RNF169: variants seen among roughly 807,000 people sequenced by gnomAD.
The protein encoded by RNF169 is ring finger protein 169.
A neutral mutation model predicts 53.9 loss-of-function variants in RNF169; 24 were observed. The observed-to-expected ratio is 0.45, with a 90% CI of 0.32 to 0.63. The LOEUF is 0.63. Ranked by LOEUF, RNF169 falls within the 20% of genes least tolerant of loss-of-function variation. The probability of loss-of-function intolerance (pLI) is 0.04; values close to 1 mark genes in which losing one functional copy is unlikely to be tolerated. For missense variants in RNF169, 883 were observed against 906.2 expected (o/e 0.97, Z 0.33); for synonymous variants, 396 against 363.5 (o/e 1.09, Z -1.02).
At chr11:74,800,905 C>T (rs1454223986) in intron 2 of RNF169, among the ~76,000 whole-genome samples, 2 of 152,076 alleles carry the variant, frequency 1.3e-5, no homozygotes, top group Non-Finnish European at 2.9e-5. Flanking sequence ...ATATATCTGC[C>T]GGTTCAATTT....
intron 4 of RNF169, among the ~76,000 whole-genome samples, chr11:74,822,508 T>C (rs562542871): frequency 6.6e-6 from 1 of 152,332 alleles, no homozygotes; most frequent in Admixed American, 6.5e-5. Context: ...TGTGTTCAGA[T>C]AGACAGAGCT....
At chr11:74,814,424 C>G (rs1341717283) in intron 3 of RNF169, among the ~76,000 whole-genome samples, 2 of 148,284 alleles carry the variant, frequency 1.3e-5, no homozygotes, top group African/African-American at 5.0e-5. Context: ...CTGTGTCACC[C>G]AGGCTGGAGT....
chr11:74,836,468 G>GGA lies in RNF169; in HGVS notation c.1866_1867dup (p.Lys623ArgfsTer10). The GGA allele has an allele frequency of 6.2e-7, 1 of 1,614,174 alleles. No individual in the cohort carries two copies. The highest frequency in any genetic ancestry group is 8.5e-7 in the Non-Finnish European group (1 of 1,180,026). On this transcript the variant is annotated frameshift_variant, in exon 6 of 6. Transcript: ENST00000299563. LOFTEE classifies it high-confidence loss of function. ...CCACTTCCTTCTTTGCGTCGAGGCC[G>GGA]GAAAAGACACTGCAAGACCAAGCAC...
At chr11:74,833,660 G>T (rs1201791781) in intron 4 of RNF169, among the ~76,000 whole-genome samples, 3 of 152,098 alleles carry the variant, frequency 2.0e-5, no homozygotes, top group Non-Finnish European at 2.9e-5. Context: ...TCAGTGCCTG[G>T]ATAATGGCCA....
intron 3 of RNF169, 99 bp from the exon 4 acceptor site, chr11:74,817,497 C>T: frequency 2.7e-6 from 2 of 735,998 alleles, no homozygotes; most frequent in Non-Finnish European, 2.4e-6. Context: ...TTGGAGCTCA[C>T]AGAGAAGCGA....
At chr11:74,820,761 T>G (rs1464384217) in intron 4 of RNF169, among the ~76,000 whole-genome samples, 1 of 152,090 alleles carries the variant, frequency 6.6e-6, no homozygotes, top group Non-Finnish European at 1.5e-5. Context: ...TTAAGGAGAA[T>G]GGTGGTAGAA....
rs1044309973 is a variant in RNF169 at position 74,749,281 on chromosome 11, G to A, written c.401G>A (p.Arg134His). The A allele has an allele frequency of 1.7e-6, 2 of 1,154,180 alleles. No homozygotes were observed. The highest frequency in any genetic ancestry group is 4.3e-5 in the East Asian group (1 of 23,188). 71.5% of individuals were successfully genotyped at this position (1,154,180 alleles called of 1,614,324 possible). Residue 134 changes from arginine (R) to histidine (H), a missense_variant, in exon 1 of 6, where the codon CGC becomes CAC. Arg to His is a conservative substitution (Grantham distance 29). Around this residue, in one of 3 missense-constraint regions of RNF169, gnomAD observed 313 missense variants for 279.9 expected, o/e 1.12. Transcript: ENST00000299563. ...ADSEVLGECA[R>H]RSQPERCRPR... Reference sequence around the variant, plus strand: ...TCAGAGGTGCTGGGCGAGTGCGCCCGCCGCAGCCAACCCGAGCGCTGCCGC... The same window carrying A: ...TCAGAGGTGCTGGGCGAGTGCGCCCACCGCAGCCAACCCGAGCGCTGCCGC...
intron 2 of RNF169, among the ~76,000 whole-genome samples, chr11:74,801,049 G>A (rs778605144): frequency 7.9e-5 from 12 of 152,098 alleles, no homozygotes; most frequent in Non-Finnish European, 1.0e-4. Flanking sequence ...TATTATTTTT[G>A]CATAAATATT....
At chr11:74,810,156 A>G (rs774334359) in intron 2 of RNF169, 28 bp from the exon 3 acceptor site, 2 of 1,587,866 alleles carry the variant, frequency 1.3e-6, no homozygotes, top group South Asian at 2.3e-5. Context: ...GCCTAAAACT[A>G]CTGTGTTTGC....
intron 1 of RNF169, among the ~76,000 whole-genome samples, chr11:74,765,222 A>C (rs959229199): frequency 3.3e-5 from 5 of 152,220 alleles, no homozygotes; most frequent in African/African-American, 1.2e-4. Flanking sequence ...GAATGGGGTT[A>C]ATCCTGAAAA....
chr11:74,781,508 A>C (rs894152588), intron 1 of RNF169, among the ~76,000 whole-genome samples: 1 of 152,364 alleles, frequency 6.6e-6, no homozygotes, highest in East Asian at 1.9e-4. Context: ...GGTTGTTCCC[A>C]GTCTTTAGTA....
chr11:74,796,530 A>G (rs2035651796), intron 2 of RNF169, among the ~76,000 whole-genome samples: 1 of 152,234 alleles, frequency 6.6e-6, no homozygotes, highest in South Asian at 2.1e-4. Context: ...TATATACACC[A>G]TTATTTCTTC....
intron 1 of RNF169, among the ~76,000 whole-genome samples, chr11:74,779,016 A>G (rs1306272948): frequency 6.6e-6 from 1 of 152,232 alleles, no homozygotes; most frequent in Non-Finnish European, 1.5e-5. Context: ...AATTTTAGTG[A>G]CTGAATAATA....
At position 74,752,184 on chromosome 11, in the gene RNF169, A is replaced by T. The variant is rs191676330; in HGVS notation, c.502+2802A>T. Among the ~76,000 whole-genome samples the T allele has an allele frequency of 1.8e-3, 246 of 135,560 alleles. 4 individuals carry two copies. The East Asian group carries it at 0.056, about 31-fold the overall frequency. 88.9% of individuals were successfully genotyped at this position (135,560 alleles called of 152,430 possible). A position where few individuals can be genotyped will look rare whatever the true frequency, so the allele number is the denominator to read the frequency against. On this transcript the variant is annotated intron_variant, in intron 1 of 5. Transcript: ENST00000299563. Reference sequence around the variant, plus strand: ...GAGGCGGAGGTTGCAGTGAGCCAAGATTGCACCGCTGCACTCTAGCCTGTT... The same window carrying T: ...GAGGCGGAGGTTGCAGTGAGCCAAGTTTGCACCGCTGCACTCTAGCCTGTT...
At chr11:74,791,403 C>G (rs2135085480) in intron 2 of RNF169, among the ~76,000 whole-genome samples, 1 of 152,374 alleles carries the variant, frequency 6.6e-6, no homozygotes, top group South Asian at 2.1e-4. Context: ...GCCCAGGAGC[C>G]TGTCTACTTC....
At chr11:74,835,453 C>T in intron 5 of RNF169, 93 bp from the exon 6 acceptor site, 2 of 937,722 alleles carry the variant, frequency 2.1e-6, no homozygotes, top group Non-Finnish European at 3.3e-6. Context: ...TCTTGTCCTC[C>T]CCTTCCCTGT....
chr11:74,750,628 C>T (rs1350533678), intron 1 of RNF169, among the ~76,000 whole-genome samples: 4 of 112,980 alleles, frequency 3.5e-5, no homozygotes, highest in East Asian at 6.1e-4. Context: ...GATGGAGTCT[C>T]GCACTGTCGC....
At chr11:74,806,058 A>G (rs111358236) in intron 2 of RNF169, among the ~76,000 whole-genome samples, 78 of 152,314 alleles carry the variant, frequency 5.1e-4, no homozygotes, top group African/African-American at 1.9e-3. Flanking sequence ...CATACATATA[A>G]GATATATGTA....
chr11:74,834,574 T>C lies in RNF169; in HGVS notation c.843-102T>C, dbSNP rs576538104. The C allele has an allele frequency of 1.2e-5, 8 of 645,894 alleles. No homozygotes were observed. In the African/African-American group the frequency reaches 1.3e-4, roughly 10 times the overall value. 40.0% of individuals were successfully genotyped at this position (645,894 alleles called of 1,614,324 possible). ...ATTGTAGCTGCCCAAGGGAATTCTT[T>C]CCTGGTGAGTGGCTTAGAAAGCAAA... On this transcript the variant is annotated intron_variant, in intron 4 of 5. Coordinates refer to ENST00000299563, the MANE Select transcript of RNF169 (RefSeq NM_001098638.2).
Sources: gnomAD v4.1 joint callset for allele counts (sites outside exome capture counted in the v4.1 genomes callset) on GRCh38, gnomAD v4.1.1 for gene constraint, gnomAD v4.1.1 regional missense constraint, MANE v1.5 for transcripts, NCBI Gene and HGNC (gene_info 2026-07-23, HGNC 2026-07-21) for gene names.